Variants in ADAMTS2 observed in about 807,000 individuals in gnomAD.
ADAMTS2 encodes A disintegrin and metalloproteinase with thrombospondin motifs 2.
A neutral mutation model predicts 123.0 loss-of-function variants in ADAMTS2; 50 were observed. That is an observed-to-expected ratio of 0.41 (90% CI 0.32 to 0.51). The LOEUF (loss-of-function observed/expected upper bound fraction) is 0.51. Ranked by LOEUF, ADAMTS2 falls within the 20% of genes least tolerant of loss-of-function variation. The probability of loss-of-function intolerance (pLI) is 0.35; values close to 1 mark genes in which losing one functional copy is unlikely to be tolerated. For synonymous variants in ADAMTS2, 678 were observed against 695.4 expected (o/e 0.98, Z 0.39); for missense variants, 1,494 against 1,705.2 (o/e 0.88, Z 2.18).
At position 179,273,334 on chromosome 5, in the gene ADAMTS2, A is replaced by G. The variant is rs78251088; in HGVS notation, c.535-270T>C. ...AACCCTGTCTGCTTTCAGAAAAGTT[A>G]CTGTGTTTATAAAGTCAAAACCGTC... On this transcript the variant is annotated intron_variant, in intron 2 of 21. Coordinates refer to ENST00000251582, the MANE Select transcript of ADAMTS2 (RefSeq NM_014244.5). Among the ~76,000 whole-genome samples, 1,044 of 152,226 alleles carry G rather than the reference A, an allele frequency of 6.9e-3. 3 individuals carry two copies. Among genetic ancestry groups the G allele is most frequent in the African/African-American group, 0.024 (1,003 of 41,548 alleles).
intron 2 of ADAMTS2, among the ~76,000 whole-genome samples, chr5:179,293,670 G>A (rs900835016): frequency 6.6e-5 from 10 of 152,172 alleles, no homozygotes; most frequent in Admixed American, 2.0e-4. Context: ...CTGGAGTGCA[G>A]TGGCATGATC....
chr5:179,344,416 C>G (rs1370221153), intron 1 of ADAMTS2, among the ~76,000 whole-genome samples: 1 of 152,226 alleles, frequency 6.6e-6, no homozygotes, highest in East Asian at 1.9e-4. Context: ...GCCAAGAGCT[C>G]TGCCCCCTGC....
intron 2 of ADAMTS2, among the ~76,000 whole-genome samples, chr5:179,276,376 G>A (rs1275882719): frequency 6.6e-6 from 1 of 152,182 alleles, no homozygotes; most frequent in Non-Finnish European, 1.5e-5. Flanking sequence ...TGAAGTGCAG[G>A]AATTAACCCT....
intron 3 of ADAMTS2, among the ~76,000 whole-genome samples, chr5:179,211,380 T>C (rs1408268173): frequency 1.3e-5 from 2 of 152,204 alleles, no homozygotes; most frequent in Non-Finnish European, 1.5e-5. Context: ...GGGGTGCTGA[T>C]TGACCAAGCC....
At chr5:179,195,353 G>A (rs898920208) in intron 4 of ADAMTS2, among the ~76,000 whole-genome samples, 19 of 152,202 alleles carry the variant, frequency 1.2e-4, no homozygotes, top group Non-Finnish European at 2.6e-4. Context: ...ACAGGCAGTC[G>A]CCTCCTTCCT....
rs932650303 is a variant in ADAMTS2 at position 179,132,016 on chromosome 5, C to T, written c.2290+214G>A. Among the ~76,000 whole-genome samples, 2 of 152,208 alleles carry T rather than the reference C, an allele frequency of 1.3e-5. No individual in the cohort carries two copies. The highest frequency in any genetic ancestry group is 4.8e-5 in the African/African-American group (2 of 41,466). The stretch of plus-strand genomic sequence containing the variant: ...TTTCATAGCTGCTGCCAAGCGGAGC[C>T]CTCTGATCCCAAACCCTGGCCTCTC... On this transcript the variant is annotated intron_variant, in intron 15 of 21. Transcript: ENST00000251582. This position sits in a 1 kb window ranked among gnomAD's most constrained non-coding sequence, Gnocchi z 6.1.
At chr5:179,239,182 TG>T (rs1765602733) in intron 3 of ADAMTS2, among the ~76,000 whole-genome samples, 1 of 152,132 alleles carries the variant, frequency 6.6e-6, no homozygotes, top group African/African-American at 2.4e-5. Flanking sequence ...GGAGGTCTGC[TG>T]GGGGCTCCCA....
At position 179,225,233 on chromosome 5, in the gene ADAMTS2, A is replaced by G; in HGVS notation, c.689-17518T>C. ...CTCACCCACATCATGTGCGCTTCAG[A>G]CAAAGGACTAATTTCCTTAATACAT... On this transcript the variant is annotated intron_variant, in intron 3 of 21. Transcript: ENST00000251582. The surrounding 1 kb of genome is among the most constrained non-coding windows in gnomAD (Gnocchi z 4.5). 6.6e-6 allele frequency among the ~76,000 whole-genome samples: 1 copy of G among 152,236 alleles called. No individual in the cohort carries two copies. The highest frequency in any genetic ancestry group is 1.9e-4 in the East Asian group (1 of 5,198).
intron 4 of ADAMTS2, among the ~76,000 whole-genome samples, chr5:179,205,807 T>A (rs542608951): frequency 6.8e-6 from 1 of 146,282 alleles, no homozygotes; most frequent in South Asian, 2.2e-4. Flanking sequence ...AGTCTCGCTC[T>A]GTCACTGAGG....
chr5:179,181,698 C>T lies in ADAMTS2; in HGVS notation c.892-543G>A, dbSNP rs1219465378. Among the ~76,000 whole-genome samples the T allele has an allele frequency of 6.6e-6, 1 of 152,212 alleles. No individual in the cohort carries two copies. Among genetic ancestry groups the T allele is most frequent in the Non-Finnish European group, 1.5e-5 (1 of 68,044 alleles). On this transcript the variant is annotated intron_variant, in intron 4 of 21. Coordinates refer to ENST00000251582, the MANE Select transcript of ADAMTS2 (RefSeq NM_014244.5). The surrounding 1 kb of genome is among the most constrained non-coding windows in gnomAD (Gnocchi z 4.1). ...CTCATATTACTGCATCCCCAATGTG[C>T]TCTCCCTGTTCTGTTTTGATGGCTG...
At position 179,345,258 on chromosome 5, in the gene ADAMTS2, GGCAGCAGCA is replaced by G. The variant is rs568040559; in HGVS notation, c.62_70del (p.Leu21_Leu23del). 8.8e-6 allele frequency: 10 copies of G among 1,136,310 alleles called. No homozygotes were observed. Among genetic ancestry groups the G allele is most frequent in the Non-Finnish European group, 1.1e-5 (10 of 932,198 alleles). 70.4% of individuals were successfully genotyped at this position (1,136,310 alleles called of 1,614,324 possible). ...CGGCGGCGGCGGCAGGAGCGGCGGC[GGCAGCAGCA>G]GCAGCAGCAGCAGCAGCGCGGGGCA... On this transcript the variant is annotated inframe_deletion, in exon 1 of 22. Transcript: ENST00000251582. The surrounding 1 kb of genome is among the most constrained non-coding windows in gnomAD (Gnocchi z 7.5).
chr5:179,125,939 A>AGCCCCTGGTG (rs1561767870), intron 18 of ADAMTS2, 59 bp downstream of exon 18: 2 of 1,609,010 alleles, frequency 1.2e-6, no homozygotes, highest in Non-Finnish European at 1.7e-6. Flanking sequence ...CAAGCACGGG[A>AGCCCCTGGTG]GCCCCTGGTG....
intron 5 of ADAMTS2, among the ~76,000 whole-genome samples, chr5:179,174,822 CG>C (rs1763898193): frequency 1.4e-5 from 1 of 72,748 alleles, no homozygotes; most frequent in African/African-American, 5.1e-5. Flanking sequence ...GCTTGGGTTC[CG>C]CAGCTGTCTC....
Position 179,110,959 on chromosome 5 carries a change from G to A in ADAMTS2, c.*2908C>T, listed in dbSNP as rs1173317765. 3 of 152,194 alleles carry A rather than the reference G, an allele frequency of 2.0e-5. No homozygotes were observed. The highest frequency in any genetic ancestry group is 4.4e-5 in the Non-Finnish European group (3 of 68,040). 9.4% of individuals were successfully genotyped at this position (152,194 alleles called of 1,614,324 possible). A position where few individuals can be genotyped will look rare whatever the true frequency, so the allele number is the denominator to read the frequency against. On this transcript the variant is annotated 3_prime_UTR_variant, in exon 22 of 22. Transcript: ENST00000251582. Reference sequence around the variant, plus strand: ...TATTGGTTGTTGTATCGGTAAGCCAGAATTTTGTGATTTGAGTTCAGCACC... The same window carrying A: ...TATTGGTTGTTGTATCGGTAAGCCAAAATTTTGTGATTTGAGTTCAGCACC...
Position 179,344,019 on chromosome 5 carries a change from G to A in ADAMTS2, c.282C>T (p.Thr94=). The change falls in exon 2 of 22, where the codon ACC becomes ACT. Residue 94 remains threonine, a synonymous_variant. Transcript: ENST00000251582. ...CCTCGTTGCCTCCGGGGAAGCTCGG[G>A]GTCCGGACCGGGGCGGCCCTGCGGG... ...VRARRAAPVR[T]PSFPGGNEEE... 1 of 1,612,654 alleles carries A rather than the reference G, an allele frequency of 6.2e-7. No homozygotes were observed. The highest frequency in any genetic ancestry group is 1.1e-5 in the South Asian group (1 of 91,040).
intron 4 of ADAMTS2, among the ~76,000 whole-genome samples, chr5:179,201,311 T>C (rs1053275748): frequency 3.9e-5 from 6 of 152,234 alleles, no homozygotes; most frequent in African/African-American, 1.4e-4. Flanking sequence ...GTGGCATGTC[T>C]GACCTCTAAT....
Position 179,142,986 on chromosome 5 carries a change from C to T in ADAMTS2, c.1630-2951G>A, listed in dbSNP as rs192154986. ...GACAGAAACTACCACTGAGGAGGCC[C>T]AGATGTCTGACTCAGCAGACAAAGA... On this transcript the variant is annotated intron_variant, in intron 10 of 21. Transcript: ENST00000251582. 2.6e-5 allele frequency among the ~76,000 whole-genome samples: 4 copies of T among 152,246 alleles called. No homozygotes were observed. The East Asian group carries it at 5.8e-4, about 22-fold the overall frequency.
intron 2 of ADAMTS2, among the ~76,000 whole-genome samples, chr5:179,276,630 G>T (rs1377351963): frequency 6.6e-6 from 1 of 152,210 alleles, no homozygotes; most frequent in Non-Finnish European, 1.5e-5. Flanking sequence ...CTTTCCAAAT[G>T]AGGAAACCGA....
chr5:179,329,124 G>C (rs537600879), intron 2 of ADAMTS2, among the ~76,000 whole-genome samples: 19 of 152,036 alleles, frequency 1.2e-4, no homozygotes, highest in Non-Finnish European at 2.5e-4. Context: ...TCAGGAGATG[G>C]AGACCATCCT....
Sources: allele counts gnomAD v4.1 joint callset (sites outside exome capture counted in the v4.1 genomes callset), GRCh38; gene constraint gnomAD v4.1.1; non-coding constraint Gnocchi (gnomAD v3.1); transcripts MANE v1.5; gene names NCBI Gene and HGNC (gene_info 2026-07-23, HGNC 2026-07-21).